POLI: variants seen among roughly 807,000 people sequenced by gnomAD.
POLI encodes the protein RAD30 homolog B.
A neutral mutation model predicts 51.6 loss-of-function variants in POLI; 58 were observed. The observed-to-expected ratio is 1.12, with a 90% CI of 0.91 to 1.40. The LOEUF is 1.40. POLI is among the 40% of genes most tolerant of loss of function. The probability of loss-of-function intolerance (pLI) is 0.00; values close to 1 mark genes in which losing one functional copy is unlikely to be tolerated. For synonymous variants in POLI, 322 were observed against 299.7 expected, an observed-to-expected ratio of 1.07 and a Z score of -0.77; for missense variants, 921 against 871.3, an observed-to-expected ratio of 1.06 and a Z score of -0.72.
intron 8 of POLI, chr18:54,291,529 T>G: frequency 4.8e-6 from 1 of 210,274 alleles, no homozygotes; most frequent in Non-Finnish European, 9.5e-6. Flanking sequence ...TCACTTTGTT[T>G]GCCTTTGGTT....
chr18:54,285,670 A>T (rs889748624), intron 7 of POLI, among the ~76,000 whole-genome samples: 2 of 152,116 alleles, frequency 1.3e-5, no homozygotes, highest in Non-Finnish European at 2.9e-5. Flanking sequence ...CTAGTTTAAG[A>T]TTGCTTACGA....
chr18:54,318,954 A>AGT (rs1344051215), intron 3 of POLI, among the ~76,000 whole-genome samples: 1 of 152,192 alleles, frequency 6.6e-6, no homozygotes, highest in Non-Finnish European at 1.5e-5. Context: ...AGGTGTGAAC[A>AGT]GTGTTCCATT....
intron 4 of POLI, among the ~76,000 whole-genome samples, chr18:54,278,907 G>A (rs553956326): frequency 1.3e-5 from 2 of 152,060 alleles, no homozygotes; most frequent in Non-Finnish European, 2.9e-5. Context: ...ACTAGACATC[G>A]GTCTACAGAA....
chr18:54,273,872 C>A, intron 2 of POLI, 54 bp from the exon 3 acceptor site: 2 of 949,914 alleles, frequency 2.1e-6, no homozygotes, highest in East Asian at 3.0e-5. Flanking sequence ...TTAATAATAT[C>A]TTTAAATGTT....
intron 6 of POLI, among the ~76,000 whole-genome samples, chr18:54,283,280 A>C (rs1488584410): frequency 6.6e-6 from 1 of 152,152 alleles, no homozygotes; most frequent in East Asian, 1.9e-4. Context: ...TGCATATATG[A>C]GGCAAAATAT....
rs191349890 is a variant in POLI, at chr18:54,295,268, G to A, written c.*801G>A. 1,271 of 984,844 alleles carry A rather than the reference G, an allele frequency of 1.3e-3. No individual in the cohort carries two copies. Among genetic ancestry groups the A allele is most frequent in the Admixed American group, 3.9e-3 (64 of 16,272 alleles). 61.0% of individuals were successfully genotyped at this position (984,844 alleles called of 1,614,324 possible). On this transcript the variant is annotated 3_prime_UTR_variant, in exon 10 of 10. Transcript: ENST00000579534. ...AGTTTGAAGGGCCTAAAAGCACTGAGATGTTTTTGTATCTTCCCTACATTT... is the reference window on the plus strand; with the variant it reads ...AGTTTGAAGGGCCTAAAAGCACTGAAATGTTTTTGTATCTTCCCTACATTT...
Position 54,287,135 on chromosome 18 carries a change from C to A in POLI, c.1068-146C>A, listed in dbSNP as rs964886371. The A allele has an allele frequency of 5.7e-6, 3 of 521,960 alleles. No individual in the cohort carries two copies. The South Asian group carries it at 7.3e-5, about 13-fold the overall frequency. 32.3% of individuals were successfully genotyped at this position (521,960 alleles called of 1,614,324 possible). A position where few individuals can be genotyped will look rare whatever the true frequency, so the allele number is the denominator to read the frequency against. On this transcript the variant is annotated intron_variant, in intron 7 of 9. Transcript: ENST00000579534. ...GATGATTATTTGGATACTCAGGGAC[C>A]TTTATTGCTTACTATTTTGTTATCT... is the stretch of plus-strand genomic sequence containing the variant.
At position 54,310,472 on chromosome 18, in the gene POLI, A is replaced by G. The variant is rs1044458274; in HGVS notation, c.334-9801A>G. ...ATTCTCTCTTATCCTGTTACCTCACAGTATTACCTACTATTTTTTTTTTTT... is the reference window on the plus strand; with the variant it reads ...ATTCTCTCTTATCCTGTTACCTCACGGTATTACCTACTATTTTTTTTTTTT... On this transcript the variant is annotated intron_variant, in intron 3 of 4. Transcript: ENST00000579823. Among the ~76,000 whole-genome samples the G allele has an allele frequency of 9.6e-5, 12 of 124,894 alleles. No individual in the cohort carries two copies. The Admixed American group carries it at 1.1e-3, about 12-fold the overall frequency. The allele number at this position is 124,894 out of a possible 152,430, so 81.9% of individuals were successfully genotyped here.
At chr18:54,319,288 C>T (rs534616136) in intron 3 of POLI, among the ~76,000 whole-genome samples, 2 of 152,070 alleles carry the variant, frequency 1.3e-5, no homozygotes, top group African/African-American at 4.8e-5. Context: ...CCAACGTTTT[C>T]TTAACTGATA....
intron 3 of POLI, among the ~76,000 whole-genome samples, chr18:54,311,878 A>G (rs867058429): frequency 6.6e-6 from 1 of 152,226 alleles, no homozygotes; most frequent in Non-Finnish European, 1.5e-5. Flanking sequence ...TCTAATCAGG[A>G]TTAATGATTC....
chr18:54,305,369 C>T (rs1313277813), intron 3 of POLI, among the ~76,000 whole-genome samples: 3 of 152,200 alleles, frequency 2.0e-5, no homozygotes, highest in African/African-American at 4.8e-5. Context: ...GCCATTTTCA[C>T]GATATTGATT....
intron 8 of POLI, 196 bp from the exon 9 acceptor site, chr18:54,291,637 A>G: frequency 5.0e-6 from 2 of 400,492 alleles, no homozygotes; most frequent in Non-Finnish European, 8.9e-6. Context: ...TCAGTGTAGT[A>G]TAACCAGAAA....
Position 54,297,410 on chromosome 18 carries a change from A to T in POLI, c.*2943A>T, listed in dbSNP as rs538549973. The T allele has an allele frequency of 3.1e-6, 3 of 981,730 alleles. No individual in the cohort carries two copies. Among genetic ancestry groups the T allele is most frequent in the East Asian group, 2.3e-4 (2 of 8,732 alleles). The allele number at this position is 981,730 out of a possible 1,614,324, so 60.8% of individuals were successfully genotyped here. On this transcript the variant is annotated 3_prime_UTR_variant, in exon 10 of 10. Transcript: ENST00000579534. ...TTCTGTCTTGAGTGTAGGCCTGGAG[A>T]TTTCCCTTATATGGTACAAACCAGC...
chr18:54,303,678 T>C (rs1043218538), intron 3 of POLI, among the ~76,000 whole-genome samples: 1 of 152,126 alleles, frequency 6.6e-6, no homozygotes, highest in African/African-American at 2.4e-5. Context: ...ATTTCTTATC[T>C]TGCAAATTAA....
chr18:54,297,262 T>A lies in POLI; in HGVS notation c.*2795T>A, dbSNP rs2088376629. ...TGCTTGATGCTTTCTGCTGCTTTCT[T>A]GCTTTTGTTTCAGCTCGAGTTTGTT... On this transcript the variant is annotated 3_prime_UTR_variant, in exon 10 of 10. Coordinates refer to ENST00000579534, the MANE Select transcript of POLI (RefSeq NM_007195.3). The A allele has an allele frequency of 1.0e-6, 1 of 985,304 alleles. No individual in the cohort carries two copies. Among genetic ancestry groups the A allele is most frequent in the South Asian group, 4.7e-5 (1 of 21,296 alleles). The allele number at this position is 985,304 out of a possible 1,614,324, so 61.0% of individuals were successfully genotyped here. A position where few individuals can be genotyped will look rare whatever the true frequency, so the allele number is the denominator to read the frequency against.
intron 2 of POLI, among the ~76,000 whole-genome samples, chr18:54,273,386 G>GT (rs11379197): frequency 0.33 from 44,854 of 136,336 alleles, 8,832 homozygotes; most frequent in African/African-American, 0.58. Context: ...ATTTTCATCC[G>GT]TTTTTTTTTT....
chr18:54,283,361 A>G (rs1423545090), intron 6 of POLI, among the ~76,000 whole-genome samples: 1 of 152,178 alleles, frequency 6.6e-6, no homozygotes, highest in Non-Finnish European at 1.5e-5. Context: ...ATAATCACCC[A>G]GTTAACATTG....
intron 7 of POLI, chr18:54,284,847 CATTAT>C (rs2087676579): frequency 6.6e-6 from 1 of 152,166 alleles, no homozygotes; most frequent in Non-Finnish European, 1.5e-5. Context: ...TGCTCCTTGT[CATTAT>C]ACATGTATTT....
At chr18:54,320,603 A>C (rs1332993062) in intron 4 of POLI, among the ~76,000 whole-genome samples, 2 of 152,166 alleles carry the variant, frequency 1.3e-5, no homozygotes, top group African/African-American at 4.8e-5. Flanking sequence ...TTCTTTAACA[A>C]TCATTCCAAT....
Sources: gnomAD v4.1 joint callset for allele counts (sites outside exome capture counted in the v4.1 genomes callset) on GRCh38, gnomAD v4.1.1 for gene constraint, MANE v1.5 for transcripts, NCBI Gene and HGNC (gene_info 2026-07-23, HGNC 2026-07-21) for gene names.